ATP8B4: variants seen among roughly 807,000 people sequenced by gnomAD.
ATP8B4 encodes the protein ATPase phospholipid transporting 8B4 (putative).
A neutral mutation model predicts 145.6 loss-of-function variants in ATP8B4; 133 were observed. The ratio of observed to expected loss-of-function variants is 0.91; its 90% confidence interval spans 0.79 to 1.05. ATP8B4 has a LOEUF of 1.05. ATP8B4 is among the 50% of genes least tolerant of loss of function. The pLI is 0.00. For synonymous variants in ATP8B4, 507 were observed against 492.9 expected, an observed-to-expected ratio of 1.03 and a Z score of -0.38; for missense variants, 1,458 against 1,425.2, an observed-to-expected ratio of 1.02 and a Z score of -0.37.
At chr15:49,979,358 G>A (rs909787125) in intron 12 of ATP8B4, among the ~76,000 whole-genome samples, 1 of 152,076 alleles carries the variant, frequency 6.6e-6, no homozygotes, top group African/African-American at 2.4e-5. Flanking sequence ...AGATTATATT[G>A]TAGTGCATGT....
chr15:50,091,772 T>C (rs2055626138), intron 2 of ATP8B4, among the ~76,000 whole-genome samples: 1 of 152,118 alleles, frequency 6.6e-6, no homozygotes, highest in Non-Finnish European at 1.5e-5. Flanking sequence ...AACTATAAAA[T>C]ACTAATATTT....
At chr15:50,057,852 A>G (rs947367935) in intron 3 of ATP8B4, among the ~76,000 whole-genome samples, 1 of 152,244 alleles carries the variant, frequency 6.6e-6, no homozygotes, top group African/African-American at 2.4e-5. Context: ...TATCAGGGGA[A>G]CAAATTAAAT....
At chr15:49,964,265 T>G (rs934966148) in intron 13 of ATP8B4, among the ~76,000 whole-genome samples, 12 of 152,180 alleles carry the variant, frequency 7.9e-5, no homozygotes, top group Admixed American at 7.2e-4. Flanking sequence ...AATCTCAAAT[T>G]CACTGTGTTA....
intron 24 of ATP8B4, among the ~76,000 whole-genome samples, chr15:49,877,491 CCAAA>C (rs1376284754): frequency 6.6e-6 from 1 of 152,118 alleles, no homozygotes; most frequent in East Asian, 1.9e-4. Context: ...CCAGGTCTCT[CCAAA>C]CAGAGTCCCA....
At chr15:50,150,024 C>A (rs6493407) in intron 1 of ATP8B4, among the ~76,000 whole-genome samples, 14,193 of 151,902 alleles carry the variant, frequency 0.093, 876 homozygotes, top group African/African-American at 0.16. Flanking sequence ...TCGCTTGAAC[C>A]CGGGAGGTGG....
intron 26 of ATP8B4, among the ~76,000 whole-genome samples, chr15:49,865,378 A>T (rs1430563526): frequency 6.6e-6 from 1 of 152,132 alleles, no homozygotes; most frequent in Non-Finnish European, 1.5e-5. Flanking sequence ...TTTATAGTAA[A>T]CCAGTAAATG....
intron 3 of ATP8B4, among the ~76,000 whole-genome samples, chr15:50,057,010 G>A (rs2153618219): frequency 6.6e-6 from 1 of 152,204 alleles, no homozygotes; most frequent in Non-Finnish European, 1.5e-5. Context: ...ACAGGTATGA[G>A]CCACCACATT....
intron 1 of ATP8B4, among the ~76,000 whole-genome samples, chr15:50,136,816 C>T (rs1313220718): frequency 6.6e-6 from 1 of 152,138 alleles, no homozygotes; most frequent in East Asian, 1.9e-4. Context: ...CTGTGTGTCT[C>T]AGTTACCCCG....
intron 3 of ATP8B4, among the ~76,000 whole-genome samples, chr15:50,071,240 G>C (rs1462121813): frequency 6.6e-6 from 1 of 152,140 alleles, no homozygotes; most frequent in African/African-American, 2.4e-5. Flanking sequence ...ACTTTTAAAA[G>C]AAAGAAAGAT....
At chr15:50,135,538 C>T (rs1039663392) in intron 1 of ATP8B4, among the ~76,000 whole-genome samples, 6 of 152,116 alleles carry the variant, frequency 3.9e-5, no homozygotes, top group Admixed American at 6.6e-5. Context: ...CATATGGCCA[C>T]GCCCCTAGAC....
At chr15:50,138,724 T>C (rs911873942) in intron 1 of ATP8B4, among the ~76,000 whole-genome samples, 5 of 152,194 alleles carry the variant, frequency 3.3e-5, no homozygotes, top group Non-Finnish European at 7.4e-5. Flanking sequence ...ATTTTTAAAA[T>C]AAAAACATTA....
Position 49,972,741 on chromosome 15 carries a change from T to C in ATP8B4, c.1084A>G (p.Lys362Glu). The change falls in exon 13 of 28, where the codon AAG (lysine) becomes GAG (glutamate). Residue 362 changes from lysine (K) to glutamate (E), a missense_variant. Lys to Glu is a moderately conservative substitution (Grantham distance 56). Coordinates refer to ENST00000284509, the MANE Select transcript of ATP8B4 (RefSeq NM_024837.4). ...GHSYFINWDR[K>E]MYYSRKAIPA... ...ATTGCTTTTCGAGAATAATACATCT[T>C]CCGGTCCCAGTTTATAAAATAACTG... is the stretch of plus-strand genomic sequence containing the variant. The C allele has an allele frequency of 6.2e-7, 1 of 1,614,060 alleles. No homozygotes were observed. The highest frequency in any genetic ancestry group is 8.5e-7 in the Non-Finnish European group (1 of 1,179,990).
intron 6 of ATP8B4, among the ~76,000 whole-genome samples, chr15:50,025,096 G>A (rs2049903778): frequency 6.6e-6 from 1 of 152,188 alleles, no homozygotes; most frequent in Non-Finnish European, 1.5e-5. Flanking sequence ...CCACTATCAT[G>A]TAATTATTGC....
At chr15:50,128,743 T>C (rs1488080596) in intron 1 of ATP8B4, among the ~76,000 whole-genome samples, 1 of 152,200 alleles carries the variant, frequency 6.6e-6, no homozygotes, top group East Asian at 1.9e-4. Context: ...TGTGAGTTAG[T>C]GAAAAAGGAC....
chr15:50,157,864 C>A (rs2044444906), intron 1 of ATP8B4, among the ~76,000 whole-genome samples: 2 of 152,212 alleles, frequency 1.3e-5, no homozygotes, highest in African/African-American at 4.8e-5. Flanking sequence ...GCCTGATTCT[C>A]CTGCCTCAGC....
chr15:49,951,782 T>C (rs970531720), intron 14 of ATP8B4, among the ~76,000 whole-genome samples: 26 of 152,222 alleles, frequency 1.7e-4, no homozygotes, highest in Admixed American at 5.9e-4. Flanking sequence ...GGTTTCTTCA[T>C]AGTGTCATTG....
chr15:49,938,031 G>C (rs1160865100), intron 14 of ATP8B4, among the ~76,000 whole-genome samples: 1 of 152,112 alleles, frequency 6.6e-6, no homozygotes, highest in African/African-American at 2.4e-5. Flanking sequence ...CCCGGGGGAA[G>C]GAAGAGAGGT....
chr15:49,996,831 T>TG, intron 8 of ATP8B4, 72 bp from the exon 9 acceptor site: 2 of 1,258,952 alleles, frequency 1.6e-6, no homozygotes, highest in Non-Finnish European at 2.3e-6. Flanking sequence ...AGCAATCAGG[T>TG]GGGTGTAGCA....
chr15:49,994,122 T>C (rs2047238255), intron 9 of ATP8B4, among the ~76,000 whole-genome samples: 1 of 152,172 alleles, frequency 6.6e-6, no homozygotes, highest in African/African-American at 2.4e-5. Flanking sequence ...ACATCACTTG[T>C]ATTGGTTTAA....
Sources: allele counts gnomAD v4.1 joint callset (sites outside exome capture counted in the v4.1 genomes callset), GRCh38; gene constraint gnomAD v4.1.1; transcripts MANE v1.5; gene names NCBI Gene and HGNC (gene_info 2026-07-23, HGNC 2026-07-21).